POLG: variants seen among roughly 807,000 people sequenced by gnomAD.
POLG encodes the protein DNA polymerase subunit gamma-1.
In POLG, 110 loss-of-function variants were observed where a neutral mutation model predicts 155.4. The ratio of observed to expected loss-of-function variants is 0.71; its 90% CI spans 0.61 to 0.83. The LOEUF is 0.83. Among genes scored for constraint, POLG ranks in the 40% least tolerant of loss-of-function variants. POLG has a pLI of 0.00. For synonymous variants in POLG, 701 were observed against 631.5 expected (o/e 1.11, Z -1.65); for missense variants, 1,685 against 1,627.5 (o/e 1.04, Z -0.61).
chr15:89,328,568 GC>G (rs2055553354), intron 5 of POLG, 33 bp from the exon 6 acceptor site: 4 of 1,607,372 alleles, frequency 2.5e-6, no homozygotes, highest in Non-Finnish European at 3.4e-6. Flanking sequence ...CGCAAGGTGG[GC>G]AGCCATCCCA....
chr15:89,320,939 G>C lies in POLG; in HGVS notation c.2808C>G (p.Ala936=), dbSNP rs1370721886. Residue 936 remains alanine (A), a synonymous_variant, in exon 18 of 23, where the codon GCC becomes GCG. Coordinates refer to ENST00000268124, the MANE Select transcript of POLG (RefSeq NM_002693.3). ...SRGTDLHSKT[A]TTVGISREHA... ...GCTCACGGCTGATGCCCACAGTAGT[G>C]GCTGTCTTACTGTGTAGATCAGTGC... is the stretch of plus-strand genomic sequence containing the variant. 16 of 1,613,596 alleles carry C rather than the reference G, an allele frequency of 9.9e-6. No homozygotes were observed. Among genetic ancestry groups the C allele is most frequent in the Non-Finnish European group, 1.4e-5 (16 of 1,179,786 alleles).
In POLG at chr15:89,323,843, G is replaced by T; in HGVS notation, c.2129C>A (p.Ala710Asp). The T allele has an allele frequency of 6.2e-7, 1 of 1,614,060 alleles. No individual in the cohort carries two copies. Among genetic ancestry groups the T allele is most frequent in the Non-Finnish European group, 8.5e-7 (1 of 1,179,896 alleles). ...EAEAKMENLR[A>D]AVPGQPLALT... is the part of the protein sequence containing the mutation. ...AGCTAGGGGTTGACCTGGCACTGCA[G>T]CTCGCAAGTTCTCCATCTTGGCCTC... The change falls in exon 12 of 23, where the codon GCT becomes GAT. Residue 710 changes from alanine (A) to aspartate (D), a missense_variant. Coordinates refer to ENST00000268124, the MANE Select transcript of POLG (RefSeq NM_002693.3).
rs2239286 is a variant in POLG, at chr15:89,332,812, C to G, written c.659+284G>C. 0.47 allele frequency among the ~76,000 whole-genome samples: 71,674 copies of G among 151,946 alleles called. 17,871 individuals carry two copies. The highest frequency in any genetic ancestry group is 0.65 in the African/African-American group (26,752 of 41,410). On this transcript the variant is annotated intron_variant, in intron 2 of 22. Coordinates refer to ENST00000268124, the MANE Select transcript of POLG (RefSeq NM_002693.3). Reference sequence around the variant, plus strand: ...AGAGGGGGTAAAGGCACCAAATCACCGTGATCTTAAGTGGCCTCCCGAAGG... The same window carrying G: ...AGAGGGGGTAAAGGCACCAAATCACGGTGATCTTAAGTGGCCTCCCGAAGG...
At chr15:89,322,039 CTCAGCACAG>C (rs1330833453) in intron 14 of POLG, 24 bp from the exon 15 acceptor site, 1 of 1,612,248 alleles carries the variant, frequency 6.2e-7, no homozygotes, top group Non-Finnish European at 8.5e-7. Context: ...CAACGTGAGG[CTCAGCACAG>C]CCATGGGAAG....
At chr15:89,334,149 C>G (rs184370446) in intron 1 of POLG, 2 of 334,390 alleles carry the variant, frequency 6.0e-6, no homozygotes, top group East Asian at 8.6e-5. Context: ...AGTAAGAGAG[C>G]AGTATCTGGA....
rs147282197 is a variant in POLG at position 89,330,258 on chromosome 15, C to G, written c.678G>C (p.Gln226His). The change falls in exon 3 of 23, where the codon CAG becomes CAC. Residue 226 changes from glutamine (Q) to histidine (H), a missense_variant. Coordinates refer to ENST00000268124, the MANE Select transcript of POLG (RefSeq NM_002693.3). ...SPSAWYSWCSQRLVEERYSWT... is the reference protein window; with the variant it reads ...SPSAWYSWCSHRLVEERYSWT... ...AAGAGTAACGCTCTTCCACCAGCCG[C>G]TGGCTGCACCAGGAATACCTGAGGG... 847 of 1,611,630 alleles carry G rather than the reference C, an allele frequency of 5.3e-4. No homozygotes were observed. Among genetic ancestry groups the G allele is most frequent in the Non-Finnish European group, 6.5e-4 (771 of 1,179,932 alleles).
chr15:89,318,710 C>T lies in POLG; in HGVS notation c.3313G>A (p.Ala1105Thr), dbSNP rs753410045. The T allele has an allele frequency of 5.6e-6, 9 of 1,614,228 alleles. No homozygotes were observed. Among genetic ancestry groups the T allele is most frequent in the Non-Finnish European group, 1.7e-6 (2 of 1,180,040 alleles). The change falls in exon 21 of 23, where the codon GCT becomes ACT. Residue 1105 changes from alanine to threonine, a missense_variant. Transcript: ENST00000268124. ...SRVNWVVQSS[A>T]VDYLHLMLVA... ...AGCATGAGGTGTAAGTAGTCAACAG[C>T]AGAGCTCTGTACCACCCAATTCACA... is the stretch of plus-strand genomic sequence containing the variant.
chr15:89,322,129 G>A, intron 14 of POLG, 114 bp from the exon 15 acceptor site: 1 of 1,000,488 alleles, frequency 1.0e-6, no homozygotes, highest in Non-Finnish European at 1.6e-6. Context: ...CCATTACCCA[G>A]CCTCACTAAC....
At chr15:89,323,617 G>T in intron 12 of POLG, 106 bp from the exon 13 acceptor site, 1 of 847,042 alleles carries the variant, frequency 1.2e-6, no homozygotes. Context: ...GTCATCAGCT[G>T]GGAAATGACA....
chr15:89,322,764 T>G lies in POLG; in HGVS notation c.2404A>C (p.Arg802=). ...CACCTGATACGTTTATGGGCGTTCCTCCAGAAAGAAATCATTTTGTTGATT... is the reference window on the plus strand; with the variant it reads ...CACCTGATACGTTTATGGGCGTTCCGCCAGAAAGAAATCATTTTGTTGATT... The part of the protein sequence containing the change: ...LEINKMISFW[R]NAHKRISSQM... Residue 802 remains arginine, a synonymous_variant, in exon 14 of 23, where the codon AGG becomes CGG. Coordinates refer to ENST00000268124, the MANE Select transcript of POLG (RefSeq NM_002693.3). The G allele has an allele frequency of 6.2e-7, 1 of 1,614,072 alleles. No individual in the cohort carries two copies. The highest frequency in any genetic ancestry group is 8.5e-7 in the Non-Finnish European group (1 of 1,179,996).
At chr15:89,324,378 CAG>C (rs2055442223) in intron 10 of POLG, 151 bp from the exon 11 acceptor site, 2 of 882,022 alleles carry the variant, frequency 2.3e-6, no homozygotes, top group Non-Finnish European at 1.8e-6. Flanking sequence ...GGGTTTTAGA[CAG>C]GGATTGATTG....
intron 8 of POLG, 65 bp from the exon 9 acceptor site, chr15:89,326,803 C>T (rs965305880): frequency 6.2e-7 from 1 of 1,611,288 alleles, no homozygotes; most frequent in African/African-American, 1.3e-5. Context: ...CTGCTCCCAC[C>T]CGCTCATCTC....
At position 89,324,155 on chromosome 15, in the gene POLG, G is replaced by A. The variant is rs778484334; in HGVS notation, c.2022C>T (p.Gly674=). ...GKQQLMPQEA[G]LAEEFLLTDN... is the part of the protein sequence containing the mutation. Reference sequence around the variant, plus strand: ...CAGTGAGCAGGAACTCCTCCGCCAGGCCGGCCTCCTGGGGCATCAGCTGCT... The same window carrying A: ...CAGTGAGCAGGAACTCCTCCGCCAGACCGGCCTCCTGGGGCATCAGCTGCT... Residue 674 remains glycine, a synonymous_variant, in exon 11 of 23, where the codon GGC becomes GGT. Coordinates refer to ENST00000268124, the MANE Select transcript of POLG (RefSeq NM_002693.3). 2.5e-6 allele frequency: 4 copies of A among 1,613,974 alleles called. No individual in the cohort carries two copies. The highest frequency in any genetic ancestry group is 3.4e-6 in the Non-Finnish European group (4 of 1,180,016).
chr15:89,320,771 G>A lies in POLG; in HGVS notation c.2976C>T (p.Leu992=). The A allele has an allele frequency of 3.7e-6, 6 of 1,613,120 alleles. No homozygotes were observed. The highest frequency in any genetic ancestry group is 5.1e-6 in the Non-Finnish European group (6 of 1,180,018). The change falls in exon 18 of 23, where the codon CTC becomes CTT. Residue 992 remains leucine (L), a synonymous_variant. Coordinates refer to ENST00000268124, the MANE Select transcript of POLG (RefSeq NM_002693.3). The part of the protein sequence containing the change: ...AQQMYAATKG[L]RWYRLSDEGE... ...GATGGGAGAGGGACCCTCACCAGCG[G>A]AGGCCCTTGGTGGCAGCGTACATCT...
intron 14 of POLG, 23 bp from the exon 15 acceptor site, chr15:89,322,038 G>A: frequency 2.5e-6 from 4 of 1,611,938 alleles, no homozygotes; most frequent in Non-Finnish European, 3.4e-6. Context: ...ACAACGTGAG[G>A]CTCAGCACAG....
intron 10 of POLG, among the ~76,000 whole-genome samples, chr15:89,325,115 T>TGAGTGAGTGAGAGA (rs2055471572): frequency 3.4e-5 from 1 of 29,276 alleles, no homozygotes; most frequent in Admixed American, 3.4e-4. Flanking sequence ...TGAGAGAGAG[T>TGAGTGAGTGAGAGA]GAGTGAGTGA....
intron 18 of POLG, among the ~76,000 whole-genome samples, chr15:89,320,290 G>A (rs1010843220): frequency 3.9e-5 from 6 of 152,338 alleles, no homozygotes; most frequent in African/African-American, 9.6e-5. Flanking sequence ...ACAGTATGCA[G>A]TACGATCAGA....
At chr15:89,322,419 G>A (rs1238509835) in intron 14 of POLG, among the ~76,000 whole-genome samples, 1 of 152,194 alleles carries the variant, frequency 6.6e-6, no homozygotes, top group African/African-American at 2.4e-5. Flanking sequence ...AGAAGACCCA[G>A]CTCCCAGCCC....
rs780365511 is a variant in POLG at position 89,326,653 on chromosome 15, C to G, written c.1671G>C (p.Glu557Asp). Residue 557 changes from glutamate to aspartate, a missense_variant, in exon 9 of 23, where the codon GAG becomes GAC. Around this residue, in one of 3 missense-constraint regions of POLG, gnomAD observed 1,210 missense variants for 1,167.1 expected, o/e 1.04. Transcript: ENST00000268124. ...ACLQKLKGTT[E>D]LLPKRPQHLP... is the part of the protein sequence containing the mutation. ...GGTGCTGGGGCCGCTTGGGCAGGAG[C>G]TCTGTGGTCCCCTTCAGCTTCTGCA... The G allele has an allele frequency of 1.9e-6, 3 of 1,614,106 alleles. No individual in the cohort carries two copies. Among genetic ancestry groups the G allele is most frequent in the Admixed American group, 1.7e-5 (1 of 60,012 alleles).
Sources: allele counts gnomAD v4.1 joint callset (sites outside exome capture counted in the v4.1 genomes callset), GRCh38; gene constraint gnomAD v4.1.1; regional missense constraint gnomAD v4.1.1; transcripts MANE v1.5; gene names NCBI Gene and HGNC (gene_info 2026-07-23, HGNC 2026-07-21).